Variants in RBFOX1 observed in about 807,000 individuals in gnomAD.
RBFOX1 encodes the protein RNA binding fox-1 homolog 1, also known as RNA binding protein fox-1 homolog 1.
A neutral mutation model predicts 57.7 loss-of-function variants in RBFOX1; 8 were observed. The ratio of observed to expected loss-of-function variants is 0.14; its 90% CI spans 0.08 to 0.25. The LOEUF (loss-of-function observed/expected upper bound fraction) is 0.25, where lower values mean the gene tolerates loss of function less well. RBFOX1 is among the 10% of genes least tolerant of loss of function. The pLI is 1.00. For synonymous variants in RBFOX1, 326 were observed against 222.4 expected, an observed-to-expected ratio of 1.47 and a Z score of -4.15; for missense variants, 611 against 548.5, an observed-to-expected ratio of 1.11 and a Z score of -1.14.
intron 1 of RBFOX1, among the ~76,000 whole-genome samples, chr16:6,259,601 G>A (rs1034882444): frequency 2.6e-5 from 4 of 152,074 alleles, no homozygotes; most frequent in Non-Finnish European, 4.4e-5. Flanking sequence ...CAGTAGCGAC[G>A]AAAGTGCAAG....
At chr16:7,237,728 C>T (rs1012615772) in intron 4 of RBFOX1, among the ~76,000 whole-genome samples, 3 of 152,216 alleles carry the variant, frequency 2.0e-5, no homozygotes, top group African/African-American at 7.2e-5. Context: ...TTCTGGCCGA[C>T]TGTGTGGTGG....
chr16:5,669,502 C>G (rs958829643), intron 3 of RBFOX1, among the ~76,000 whole-genome samples: 2 of 145,650 alleles, frequency 1.4e-5, no homozygotes, highest in African/African-American at 5.1e-5. Context: ...TCACTGCAAC[C>G]TCCAACTCCC....
At chr16:5,410,825 T>C (rs1049147699) in intron 1 of RBFOX1, among the ~76,000 whole-genome samples, 1 of 152,256 alleles carries the variant, frequency 6.6e-6, no homozygotes, top group African/African-American at 2.4e-5. Context: ...CTGAAAGTAC[T>C]TGAAGCTAGA....
At chr16:6,919,270 G>C (rs571338822) in intron 3 of RBFOX1, among the ~76,000 whole-genome samples, 2 of 152,116 alleles carry the variant, frequency 1.3e-5, no homozygotes, top group South Asian at 2.1e-4. Context: ...TTACAGGTGT[G>C]AGCCATGGCG....
intron 3 of RBFOX1, among the ~76,000 whole-genome samples, chr16:7,017,144 C>T (rs998799116): frequency 6.6e-6 from 1 of 152,074 alleles, no homozygotes; most frequent in African/African-American, 2.4e-5. Context: ...AGCAAAACAG[C>T]TGTTAAGGTG....
At chr16:7,146,316 T>G (rs1317290641) in intron 4 of RBFOX1, among the ~76,000 whole-genome samples, 34 of 152,194 alleles carry the variant, frequency 2.2e-4, no homozygotes, top group Non-Finnish European at 1.5e-5. Flanking sequence ...TTGCAATATA[T>G]GTTGCCTTTG....
At chr16:5,294,867 C>T (rs2063624028) in intron 1 of RBFOX1, among the ~76,000 whole-genome samples, 1 of 151,174 alleles carries the variant, frequency 6.6e-6, no homozygotes, top group Admixed American at 6.6e-5. Context: ...CCCATCTCTA[C>T]CAAAAATACG....
At chr16:5,922,153 C>T (rs146953147) in intron 4 of RBFOX1, among the ~76,000 whole-genome samples, 159 of 152,164 alleles carry the variant, frequency 1.0e-3, no homozygotes, top group African/African-American at 3.5e-3. Flanking sequence ...ACAGCAAGAC[C>T]CTGTCTCGAC....
chr16:6,931,154 T>C (rs1196052362), intron 3 of RBFOX1, among the ~76,000 whole-genome samples: 1 of 152,108 alleles, frequency 6.6e-6, no homozygotes, highest in Non-Finnish European at 1.5e-5. Context: ...TCAGAACACA[T>C]TGACCTTTCT....
At chr16:5,424,572 GGGCTTAATACCTAGGTGATGGGTTGACA>G (rs1202238959) in intron 1 of RBFOX1, among the ~76,000 whole-genome samples, 1 of 151,832 alleles carries the variant, frequency 6.6e-6, no homozygotes, top group Admixed American at 6.6e-5. Flanking sequence ...AACGCATGCA[GGGCTTAATACCTAGGTGATGGGTTGACA>G]GGTACAGCAA....
chr16:7,030,722 T>C (rs1189144223), intron 3 of RBFOX1, among the ~76,000 whole-genome samples: 1 of 152,226 alleles, frequency 6.6e-6, no homozygotes, highest in Admixed American at 6.5e-5. Flanking sequence ...TCTGAGGTTC[T>C]GGGTGGACCT....
intron 2 of RBFOX1, among the ~76,000 whole-genome samples, chr16:6,552,673 A>G (rs1460088417): frequency 1.3e-5 from 2 of 152,166 alleles, no homozygotes; most frequent in Non-Finnish European, 1.5e-5. Flanking sequence ...CAAAATTTGT[A>G]TATTCCTTTT....
intron 5 of RBFOX1, among the ~76,000 whole-genome samples, chr16:7,567,154 T>TATATATATATCATATATATATCCCTAC (rs1567863384): frequency 6.8e-6 from 1 of 146,764 alleles, no homozygotes; most frequent in African/African-American, 2.5e-5. Flanking sequence ...TATATCCCTA[T>TATATATATATCATATATATATCCCTAC]ATATATATCC....
At position 6,474,867 on chromosome 16, in the gene RBFOX1, G is replaced by C. The variant is rs1597772140; in HGVS notation, c.-64+157810G>C. 3.3e-5 allele frequency among the ~76,000 whole-genome samples: 5 copies of C among 152,264 alleles called. No homozygotes were observed. The South Asian group carries it at 1.0e-3, about 32-fold the overall frequency. ...TATCTACCCTGAGATAAGGCACAGA[G>C]AAAAATATCATAACATCAGGAAGTG... On this transcript the variant is annotated intron_variant, in intron 2 of 15. Transcript: ENST00000550418.
At chr16:6,134,728 A>G (rs1319049709) in intron 1 of RBFOX1, among the ~76,000 whole-genome samples, 3 of 149,824 alleles carry the variant, frequency 2.0e-5, no homozygotes, top group Non-Finnish European at 4.4e-5. Flanking sequence ...CCCAGGCTGG[A>G]GTGCAGTGGT....
intron 1 of RBFOX1, among the ~76,000 whole-genome samples, chr16:5,255,559 C>T (rs1290932809): frequency 1.3e-5 from 2 of 151,930 alleles, no homozygotes; most frequent in African/African-American, 4.8e-5. Context: ...CATCTATCCA[C>T]CCACCCGTCC....
intron 3 of RBFOX1, among the ~76,000 whole-genome samples, chr16:6,944,976 C>T (rs994119109): frequency 5.9e-5 from 9 of 152,126 alleles, no homozygotes; most frequent in Admixed American, 4.6e-4. Flanking sequence ...GTACTCTTTG[C>T]TCCTCCTGGG....
chr16:7,432,252 A>G (rs1045078574), intron 4 of RBFOX1, among the ~76,000 whole-genome samples: 2 of 152,218 alleles, frequency 1.3e-5, no homozygotes, highest in East Asian at 3.9e-4. Context: ...TGAGTCTCCC[A>G]AGGTGGGATA....
At chr16:5,347,836 A>C (rs1596603465) in intron 1 of RBFOX1, among the ~76,000 whole-genome samples, 1 of 107,420 alleles carries the variant, frequency 9.3e-6, no homozygotes, top group African/African-American at 3.7e-5. Context: ...CCTTCCACCC[A>C]CCTGTCAGCC....
Sources: gnomAD v4.1 joint callset for allele counts (sites outside exome capture counted in the v4.1 genomes callset) on GRCh38, gnomAD v4.1.1 for gene constraint, MANE v1.5 for transcripts, NCBI Gene and HGNC (gene_info 2026-07-23, HGNC 2026-07-21) for gene names.